BLOC1S3: variants seen among roughly 807,000 people sequenced by gnomAD.
The protein encoded by BLOC1S3 is biogenesis of lysosomal organelles complex 1 subunit 3, also known as biogenesis of lysosome-related organelles complex 1 subunit 3.
A neutral mutation model predicts 9.1 loss-of-function variants in BLOC1S3; 7 were observed. The observed-to-expected ratio is 0.77, with a 90% CI of 0.44 to 1.45. The LOEUF is 1.45. Among genes scored for constraint, BLOC1S3 ranks in the 40% most tolerant of loss-of-function variants. BLOC1S3 has a pLI of 0.01. For missense variants in BLOC1S3, 307 were observed against 315.2 expected, an observed-to-expected ratio of 0.97 and a Z score of 0.20; for synonymous variants, 145 against 158.4, an observed-to-expected ratio of 0.92 and a Z score of 0.64.
chr19:45,204,587 C>A (rs758513157), intron 3 of BLOC1S3, among the ~76,000 whole-genome samples: 1 of 152,162 alleles, frequency 6.6e-6, no homozygotes, highest in Non-Finnish European at 1.5e-5. Flanking sequence ...GGCTGGAAAT[C>A]CAAGATGGCG....
Position 45,179,866 on chromosome 19 carries a change from A to G in BLOC1S3, c.570A>G (p.Pro190=), listed in dbSNP as rs1969489348. 3 of 1,609,328 alleles carry G rather than the reference A, an allele frequency of 1.9e-6. No individual in the cohort carries two copies. Among genetic ancestry groups the G allele is most frequent in the Middle Eastern group, 1.7e-4 (1 of 6,042 alleles). The change falls in exon 2 of 2, where the codon CCA becomes CCG. Residue 190 remains proline, a synonymous_variant. Coordinates refer to ENST00000433642, the MANE Select transcript of BLOC1S3 (RefSeq NM_212550.5). The surrounding 1 kb of genome is among the most constrained non-coding windows in gnomAD (Gnocchi z 4.6). ...CRLLPDIRGV[P]GTEPEKDPGP... is the part of the protein sequence containing the mutation. ...TGCTGCCGGACATCCGCGGCGTGCC[A>G]GGGACCGAGCCTGAGAAAGACCCGG...
At position 45,180,117 on chromosome 19, in the gene BLOC1S3, T is replaced by A. The variant is rs1026203488; in HGVS notation, c.*212T>A. On this transcript the variant is annotated 3_prime_UTR_variant, in exon 2 of 2. Transcript: ENST00000433642. ...AGACCAGGGCCCCACTATCCTTAGA[T>A]CTGGTTCCTCTCCCGATCCTGACCC... The A allele has an allele frequency of 4.3e-5, 22 of 517,562 alleles. No individual in the cohort carries two copies. Among genetic ancestry groups the A allele is most frequent in the African/African-American group, 3.7e-4 (18 of 49,148 alleles). 32.1% of individuals were successfully genotyped at this position (517,562 alleles called of 1,614,324 possible).
intron 2 of BLOC1S3, among the ~76,000 whole-genome samples, chr19:45,197,590 C>A (rs1196731420): frequency 4.0e-5 from 6 of 151,768 alleles, no homozygotes; most frequent in Admixed American, 3.9e-4. Context: ...CGTTGGGAGG[C>A]CGAGGCGGGT....
In BLOC1S3 at chr19:45,203,157, A is replaced by G. The variant is rs147581006; in HGVS notation, n.282+650A>G. 5.6e-3 allele frequency among the ~76,000 whole-genome samples: 856 copies of G among 152,150 alleles called. 14 individuals are homozygous for G. The highest frequency in any genetic ancestry group is 0.019 in the African/African-American group (790 of 41,512). The stretch of plus-strand genomic sequence containing the variant: ...AGCACTCCCTTGGCTGCCTCAGCCA[A>G]TGTCTCAGTGGGCCTCATGCCCTCC... On this transcript the variant is annotated intron_variant and non_coding_transcript_variant, in intron 3 of 3. Transcript: ENST00000591569.
At chr19:45,192,017 G>A (rs1371183030) in intron 2 of BLOC1S3, among the ~76,000 whole-genome samples, 1 of 152,248 alleles carries the variant, frequency 6.6e-6, no homozygotes, top group Non-Finnish European at 1.5e-5. Context: ...TCAGTGTGGT[G>A]TGAGCCCCCC....
At position 45,179,627 on chromosome 19, in the gene BLOC1S3, C is replaced by T; in HGVS notation, c.331C>T (p.Leu111Phe). ...CGCCCCCGCGCGCTCGCTCCTGCAA[C>T]TTCGGCTGGCGGAGAGCCAGGCGCG... ...APAPARSLLQ[L>F]RLAESQARLD... Residue 111 changes from leucine (L) to phenylalanine (F), a missense_variant, in exon 2 of 2, where the codon CTT becomes TTT. By Grantham distance (22) the Leu-to-Phe change is conservative. Coordinates refer to ENST00000433642, the MANE Select transcript of BLOC1S3 (RefSeq NM_212550.5). The surrounding 1 kb of genome is among the most constrained non-coding windows in gnomAD (Gnocchi z 4.6). The T allele has an allele frequency of 6.8e-7, 1 of 1,474,164 alleles. No homozygotes were observed. The highest frequency in any genetic ancestry group is 8.9e-7 in the Non-Finnish European group (1 of 1,119,130). The allele number at this position is 1,474,164 out of a possible 1,614,324, so 91.3% of individuals were successfully genotyped here. A position where few individuals can be genotyped will look rare whatever the true frequency, so the allele number is the denominator to read the frequency against.
rs1377927889 is a variant in BLOC1S3 at position 45,179,700 on chromosome 19, C to T, written c.404C>T (p.Ala135Val). ...AAAVSGVYRRAGRDVAALASR... is the reference protein window; with the variant it reads ...AAAVSGVYRRVGRDVAALASR... ...GCCGTGAGCGGTGTCTACCGCCGTGCAGGCCGCGACGTGGCCGCCCTGGCT... is the reference window on the plus strand; with the variant it reads ...GCCGTGAGCGGTGTCTACCGCCGTGTAGGCCGCGACGTGGCCGCCCTGGCT... The change falls in exon 2 of 2, where the codon GCA (alanine) becomes GTA (valine). Residue 135 changes from alanine to valine, a missense_variant. Ala to Val is a moderately conservative substitution (Grantham distance 64). Coordinates refer to ENST00000433642, the MANE Select transcript of BLOC1S3 (RefSeq NM_212550.5). The surrounding 1 kb of genome is among the most constrained non-coding windows in gnomAD (Gnocchi z 4.6). The T allele has an allele frequency of 1.4e-6, 2 of 1,460,578 alleles. No individual in the cohort carries two copies. The highest frequency in any genetic ancestry group is 1.3e-5 in the South Asian group (1 of 75,588). The allele number at this position is 1,460,578 out of a possible 1,614,324, so 90.5% of individuals were successfully genotyped here.
At chr19:45,186,550 C>G (rs554823232), downstream of BLOC1S3, among the ~76,000 whole-genome samples, 10 of 152,092 alleles carry the variant, frequency 6.6e-5, no homozygotes, top group African/African-American at 2.2e-4. Context: ...ACTAAAAATA[C>G]AAAAATTAGT....
rs1969456764 is a variant in BLOC1S3 at position 45,178,790 on chromosome 19, G to C, written c.-51G>C. 1 of 157,886 alleles carries C rather than the reference G, an allele frequency of 6.3e-6. No homozygotes were observed. Among genetic ancestry groups the C allele is most frequent in the Admixed American group, 6.5e-5 (1 of 15,442 alleles). The allele number at this position is 157,886 out of a possible 1,614,324, so 9.8% of individuals were successfully genotyped here. A position where few individuals can be genotyped will look rare whatever the true frequency, so the allele number is the denominator to read the frequency against. ...GCCACGGTGAGAACGCAGCACTCGG[G>C]TTAGGAAGCGGATCTCGCAAGCTCC... On this transcript the variant is annotated 5_prime_UTR_variant, in exon 1 of 2. Transcript: ENST00000433642.
intron 3 of BLOC1S3, among the ~76,000 whole-genome samples, chr19:45,203,123 G>A (rs578066274): frequency 1.5e-4 from 23 of 151,926 alleles, no homozygotes; most frequent in South Asian, 6.2e-4. Flanking sequence ...TTTGGGGCTC[G>A]GGGGCTCAAG....
chr19:45,186,165 G>A (rs1969564546), downstream of BLOC1S3, among the ~76,000 whole-genome samples: 1 of 152,028 alleles, frequency 6.6e-6, no homozygotes, highest in Non-Finnish European at 1.5e-5. Flanking sequence ...CATGGGAGGG[G>A]GTGAGACTGG....
chr19:45,194,058 C>T (rs1416556254), intron 2 of BLOC1S3, among the ~76,000 whole-genome samples: 1 of 138,982 alleles, frequency 7.2e-6, no homozygotes, highest in East Asian at 2.2e-4. Context: ...CCTCCTTGGC[C>T]TCCCAAAGTG....
chr19:45,179,971 T>A lies in BLOC1S3; in HGVS notation c.*66T>A. 1 of 1,557,956 alleles carries A rather than the reference T, an allele frequency of 6.4e-7. No individual in the cohort carries two copies. Among genetic ancestry groups the A allele is most frequent in the Non-Finnish European group, 8.7e-7 (1 of 1,148,726 alleles). ...GGCCTTGCTGCCTCTGGGACCTGACTCTGTCTCCTGTGTCTCTTATCACCC... is the reference window on the plus strand; with the variant it reads ...GGCCTTGCTGCCTCTGGGACCTGACACTGTCTCCTGTGTCTCTTATCACCC... On this transcript the variant is annotated 3_prime_UTR_variant, in exon 2 of 2. Coordinates refer to ENST00000433642, the MANE Select transcript of BLOC1S3 (RefSeq NM_212550.5). This position sits in a 1 kb window ranked among gnomAD's most constrained non-coding sequence, Gnocchi z 4.6.
downstream of BLOC1S3, among the ~76,000 whole-genome samples, chr19:45,184,184 C>T (rs1878706660): frequency 1.3e-5 from 2 of 152,122 alleles, no homozygotes; most frequent in African/African-American, 4.8e-5. Flanking sequence ...GAACTCCTGG[C>T]CTCAATGGAT....
chr19:45,206,104 T>C (rs959800124), intron 3 of BLOC1S3, among the ~76,000 whole-genome samples: 6 of 152,036 alleles, frequency 3.9e-5, no homozygotes, highest in Non-Finnish European at 7.4e-5. Context: ...TTCCAGCACT[T>C]TGGGAGGCCG....
intron 3 of BLOC1S3, among the ~76,000 whole-genome samples, chr19:45,214,334 G>T (rs1361469848): frequency 6.6e-6 from 1 of 152,164 alleles, no homozygotes; most frequent in Non-Finnish European, 1.5e-5. Flanking sequence ...GTCTGAGAAT[G>T]TGTCTGCCCA....
intron 2 of BLOC1S3, among the ~76,000 whole-genome samples, chr19:45,197,585 GGA>G (rs1261864278): frequency 2.0e-5 from 3 of 151,946 alleles, no homozygotes; most frequent in Admixed American, 2.0e-4. Context: ...TAGCACGTTG[GGA>G]GGCCGAGGCG....
At chr19:45,188,062 G>T (rs569186092) in intron 2 of BLOC1S3, among the ~76,000 whole-genome samples, 1 of 151,844 alleles carries the variant, frequency 6.6e-6, no homozygotes, top group Non-Finnish European at 1.5e-5. Context: ...TCACTCTGTC[G>T]CCCAGGCTGG....
At chr19:45,207,977 CTTT>C (rs538909673) in intron 3 of BLOC1S3, among the ~76,000 whole-genome samples, 2 of 141,550 alleles carry the variant, frequency 1.4e-5, no homozygotes, top group Admixed American at 7.1e-5. Context: ...CCACCATGTA[CTTT>C]TTTTTTTTTT....
Sources: allele counts gnomAD v4.1 joint callset (sites outside exome capture counted in the v4.1 genomes callset), GRCh38; gene constraint gnomAD v4.1.1; non-coding constraint Gnocchi (gnomAD v3.1); transcripts MANE v1.5; gene names NCBI Gene and HGNC (gene_info 2026-07-23, HGNC 2026-07-21).